The following ABCD2 variants were observed in gnomAD, a reference collection of about 807,000 sequenced individuals.
ABCD2 encodes ATP-binding cassette sub-family D member 2.
In ABCD2, 36 loss-of-function variants were observed where a neutral mutation model predicts 70.9. That is an observed-to-expected ratio of 0.51 (90% CI 0.39 to 0.67). The LOEUF is 0.67. ABCD2 is among the 30% of genes least tolerant of loss of function. The probability of loss-of-function intolerance (pLI) is 0.00; values close to 1 mark genes in which losing one functional copy is unlikely to be tolerated. For synonymous variants in ABCD2, 304 were observed against 306.9 expected (o/e 0.99, Z 0.10); for missense variants, 729 against 890.2 (o/e 0.82, Z 2.30).
intron 7 of ABCD2, among the ~76,000 whole-genome samples, chr12:39,582,157 T>C (rs977094074): frequency 6.6e-6 from 1 of 152,222 alleles, no homozygotes; most frequent in African/African-American, 2.4e-5. Flanking sequence ...CAGGTTTCCC[T>C]GAAGTTTTTT....
At chr12:39,588,293 C>A (rs559940377) in intron 6 of ABCD2, among the ~76,000 whole-genome samples, 1 of 151,904 alleles carries the variant, frequency 6.6e-6, no homozygotes, top group Non-Finnish European at 1.5e-5. Context: ...TAATCCAGAC[C>A]CCCCCATATC....
chr12:39,619,777 C>T lies in ABCD2; in HGVS notation c.-162G>A. On this transcript the variant is annotated 5_prime_UTR_variant, in exon 1 of 10. Coordinates refer to ENST00000308666, the MANE Select transcript of ABCD2 (RefSeq NM_005164.4). ...TAATTTTGTTCTGCTGTGACAGATG[C>T]AGCAGAGCTCAGACTCCGCTGCATC... 1.6e-6 allele frequency: 1 copy of T among 638,808 alleles called. No individual in the cohort carries two copies. The highest frequency in any genetic ancestry group is 2.7e-6 in the Non-Finnish European group (1 of 375,732). 39.6% of individuals were successfully genotyped at this position (638,808 alleles called of 1,614,324 possible).
intron 9 of ABCD2, among the ~76,000 whole-genome samples, chr12:39,566,249 C>T (rs953139014): frequency 3.9e-5 from 6 of 152,222 alleles, no homozygotes; most frequent in East Asian, 1.9e-4. Context: ...GCTGTGAATC[C>T]GTCTGGTCCT....
intron 1 of ABCD2, among the ~76,000 whole-genome samples, chr12:39,617,935 T>C (rs146218275): frequency 1.3e-5 from 2 of 152,180 alleles, no homozygotes; most frequent in African/African-American, 4.8e-5. Context: ...GGGCTAATTG[T>C]TTTAGGGATC....
At chr12:39,568,201 G>A (rs1275604405) in intron 9 of ABCD2, among the ~76,000 whole-genome samples, 21 of 152,144 alleles carry the variant, frequency 1.4e-4, no homozygotes, top group Non-Finnish European at 2.8e-4. Flanking sequence ...AGTTCTCCTG[G>A]ATAATATCCT....
chr12:39,590,785 G>A (rs1391875216), intron 6 of ABCD2, among the ~76,000 whole-genome samples: 5 of 150,872 alleles, frequency 3.3e-5, no homozygotes, highest in African/African-American at 9.8e-5. Flanking sequence ...ATGTATTGAT[G>A]TTTGTTAGAG....
At position 39,616,973 on chromosome 12, in the gene ABCD2, C is replaced by T; in HGVS notation, c.1120+15G>A. On this transcript the variant is annotated intron_variant, in intron 2 of 9. Coordinates refer to ENST00000308666, the MANE Select transcript of ABCD2 (RefSeq NM_005164.4). ...TGTTAAAAATATATTTGAGATTAAG[C>T]ATAAATGTCATTACCACCATCTGCA... The T allele has an allele frequency of 6.4e-7, 1 of 1,566,790 alleles. No individual in the cohort carries two copies. Among genetic ancestry groups the T allele is most frequent in the Non-Finnish European group, 8.6e-7 (1 of 1,160,474 alleles).
chr12:39,603,949 G>A lies in ABCD2; in HGVS notation c.1463C>T (p.Pro488Leu), dbSNP rs757646271. 3 of 1,612,502 alleles carry A rather than the reference G, an allele frequency of 1.9e-6. No homozygotes were observed. Among genetic ancestry groups the A allele is most frequent in the Non-Finnish European group, 2.5e-6 (3 of 1,179,102 alleles). Reference protein sequence around the residue: ...IICENVPIITPAGEVVASRLN... With the variant: ...IICENVPIITLAGEVVASRLN... ...CCTGGAAGCCACCACTTCTCCTGCT[G>A]GTGTAATTATGGGAACATTTTCACA... The change falls in exon 5 of 10, where the codon CCA becomes CTA. Residue 488 changes from proline to leucine, a missense_variant. By Grantham distance (98) the Pro-to-Leu change is moderately conservative. Transcript: ENST00000308666.
intron 9 of ABCD2, among the ~76,000 whole-genome samples, chr12:39,560,875 G>A (rs1941246771): frequency 6.6e-6 from 1 of 151,962 alleles, no homozygotes; most frequent in Admixed American, 6.6e-5. Context: ...AAGCCTCATG[G>A]TAACTACAGA....
intron 9 of ABCD2, among the ~76,000 whole-genome samples, chr12:39,569,241 C>T (rs1367589526): frequency 6.6e-6 from 1 of 152,210 alleles, no homozygotes; most frequent in African/African-American, 2.4e-5. Flanking sequence ...TCTACAGATC[C>T]AAGCAGGCCT....
At chr12:39,536,724 C>T in the ABCD2 span, among the ~76,000 whole-genome samples, 3 of 152,116 alleles carry the variant, frequency 2.0e-5, no homozygotes, top group South Asian at 2.1e-4. Flanking sequence ...AAGGAGAAAA[C>T]GTTCACTTTC....
At chr12:39,576,940 T>TA in intron 8 of ABCD2, among the ~76,000 whole-genome samples, 1 of 152,184 alleles carries the variant, frequency 6.6e-6, no homozygotes, top group South Asian at 2.1e-4. Flanking sequence ...TTAACTATTA[T>TA]ATAGTAATAC....
chr12:39,593,429 A>G (rs1591988254), intron 6 of ABCD2, among the ~76,000 whole-genome samples: 1 of 151,750 alleles, frequency 6.6e-6, no homozygotes, highest in East Asian at 1.9e-4. Context: ...CTTTTTTATT[A>G]TTTGTATTGA....
intron 9 of ABCD2, among the ~76,000 whole-genome samples, chr12:39,558,630 T>G (rs1357733823): frequency 6.6e-6 from 1 of 152,112 alleles, no homozygotes; most frequent in East Asian, 1.9e-4. Flanking sequence ...CCTGAGTTCA[T>G]TCTCCTTCCT....
In ABCD2 at chr12:39,586,287, A is replaced by G; in HGVS notation, c.1657T>C (p.Ser553Pro). The G allele has an allele frequency of 1.2e-6, 2 of 1,611,288 alleles. No individual in the cohort carries two copies. Among genetic ancestry groups the G allele is most frequent in the Non-Finnish European group, 1.7e-6 (2 of 1,178,844 alleles). The change falls in exon 7 of 10, where the codon TCT becomes CCT. Residue 553 changes from serine to proline, a missense_variant. Transcript: ENST00000308666. Reference protein sequence around the residue: ...MFYIPQRPYMSLGSLRDQVIY... With the variant: ...MFYIPQRPYMPLGSLRDQVIY... ...ACTTGATCCCGAAGACTTCCAAGAG[A>G]CATATATGGCCTTTAAAACACCAAG...
rs745385504 is a variant in ABCD2 at position 39,617,103 on chromosome 12, G to A, written c.1005C>T (p.Ser335=). The change falls in exon 2 of 10, where the codon TCC becomes TCT. Residue 335 remains serine (S), a synonymous_variant. Coordinates refer to ENST00000308666, the MANE Select transcript of ABCD2 (RefSeq NM_005164.4). ...CTATCATGATGTACCACAAACGTTT[G>A]GATAAAATGAGGTTCATCTGATCTG... ...ALADQMNLIL[S]KRLWYIMIEQ... is the part of the protein sequence containing the mutation. 9.3e-6 allele frequency: 15 copies of A among 1,611,386 alleles called. No homozygotes were observed. The South Asian group carries it at 1.5e-4, about 17-fold the overall frequency.
chr12:39,557,483 C>A (rs1227010799), intron 9 of ABCD2, among the ~76,000 whole-genome samples: 1 of 152,158 alleles, frequency 6.6e-6, no homozygotes, highest in African/African-American at 2.4e-5. Context: ...AAAAGAAAAA[C>A]CCCTTTTCTT....
At chr12:39,570,381 A>AACAGACAC (rs1323037803) in intron 9 of ABCD2, among the ~76,000 whole-genome samples, 3 of 152,240 alleles carry the variant, frequency 2.0e-5, no homozygotes, top group Non-Finnish European at 4.4e-5. Flanking sequence ...CTGACACAAA[A>AACAGACAC]ACAGACACAC....
chr12:39,606,714 C>G (rs1458491770), intron 3 of ABCD2, among the ~76,000 whole-genome samples: 1 of 152,066 alleles, frequency 6.6e-6, no homozygotes, highest in Non-Finnish European at 1.5e-5. Context: ...TACAAAGATG[C>G]TTTAGAATTT....
Sources: gnomAD v4.1 joint callset for allele counts (sites outside exome capture counted in the v4.1 genomes callset) on GRCh38, gnomAD v4.1.1 for gene constraint, MANE v1.5 for transcripts, NCBI Gene and HGNC (gene_info 2026-07-23, HGNC 2026-07-21) for gene names.